The following CDH18 variants were observed in gnomAD, a reference collection of about 807,000 sequenced individuals.
CDH18 encodes cadherin-18.
A neutral mutation model predicts 67.9 loss-of-function variants in CDH18; 31 were observed. The ratio of observed to expected loss-of-function variants is 0.46; its 90% CI spans 0.34 to 0.62. The LOEUF (loss-of-function observed/expected upper bound fraction) is 0.62, where lower values mean the gene tolerates loss of function less well. CDH18 is among the 20% of genes least tolerant of loss of function. CDH18 has a pLI of 0.01. For missense variants in CDH18, 890 were observed against 975.5 expected (o/e 0.91, Z 1.17); for synonymous variants, 362 against 347.2 (o/e 1.04, Z -0.48).
chr5:19,633,576 C>T (rs1303932812), intron 5 of CDH18, among the ~76,000 whole-genome samples: 2 of 151,986 alleles, frequency 1.3e-5, no homozygotes, highest in Non-Finnish European at 2.9e-5. Flanking sequence ...AAGTGTCTCT[C>T]CTACTTCATG....
At chr5:19,484,565 G>A (rs994730591) in intron 11 of CDH18, among the ~76,000 whole-genome samples, 1 of 150,632 alleles carries the variant, frequency 6.6e-6, no homozygotes, top group African/African-American at 2.5e-5. Context: ...TGTTGCCGTA[G>A]CTATAGATTG....
chr5:20,099,848 G>A (rs1746305063), intron 2 of CDH18, among the ~76,000 whole-genome samples: 1 of 151,982 alleles, frequency 6.6e-6, no homozygotes, highest in Non-Finnish European at 1.5e-5. Flanking sequence ...CAGTGGCAGG[G>A]TCTTGGCTCA....
intron 3 of CDH18, among the ~76,000 whole-genome samples, chr5:19,752,197 T>C (rs1359985174): frequency 1.3e-5 from 2 of 152,058 alleles, no homozygotes; most frequent in Admixed American, 6.6e-5. Flanking sequence ...CAGGGGAGGA[T>C]GCAAATCCTG....
In CDH18 at chr5:19,875,966, T is replaced by C. The variant is rs760688721; in HGVS notation, c.-256-36724A>G. ...AAAATGAATCAAAGTTATTCCCTAA[T>C]ATAGAGGTTTTTTTATTTCCCAATA... On this transcript the variant is annotated intron_variant, in intron 2 of 12. Transcript: ENST00000382275. Among the ~76,000 whole-genome samples the C allele has an allele frequency of 3.9e-5, 6 of 152,082 alleles. 1 individual carries two copies. The South Asian group carries it at 1.2e-3, about 31-fold the overall frequency.
chr5:20,300,253 G>A (rs78404948), intron 1 of CDH18, among the ~76,000 whole-genome samples: 7,290 of 151,822 alleles, frequency 0.048, 428 homozygotes, highest in African/African-American at 0.14. Context: ...ACAGGACAAC[G>A]CAACAGGATC....
chr5:19,829,240 A>G (rs13189662), intron 3 of CDH18, among the ~76,000 whole-genome samples: 1 of 152,100 alleles, frequency 6.6e-6, no homozygotes, highest in Non-Finnish European at 1.5e-5. Context: ...AGAAATAAAA[A>G]CCATCCAAAT....
intron 5 of CDH18, among the ~76,000 whole-genome samples, chr5:19,667,753 T>C (rs1758169495): frequency 6.6e-6 from 1 of 151,832 alleles, no homozygotes. Flanking sequence ...CATATCTTCA[T>C]AATGATGAAA....
At chr5:20,177,713 G>T (rs2126672673) in intron 2 of CDH18, among the ~76,000 whole-genome samples, 1 of 152,130 alleles carries the variant, frequency 6.6e-6, no homozygotes, top group East Asian at 1.9e-4. Context: ...ATGTGTTGTT[G>T]GAGGGACCCA....
At chr5:20,073,162 T>A (rs1743632031) in intron 2 of CDH18, among the ~76,000 whole-genome samples, 1 of 152,026 alleles carries the variant, frequency 6.6e-6, no homozygotes, top group Non-Finnish European at 1.5e-5. Flanking sequence ...CATCTAAAAC[T>A]TGAGGAAACT....
chr5:19,741,227 G>A (rs928517312), intron 4 of CDH18, among the ~76,000 whole-genome samples: 18 of 63,642 alleles, frequency 2.8e-4, no homozygotes, highest in Non-Finnish European at 4.3e-4. Context: ...ATATATACAT[G>A]TATATATGTA....
chr5:19,565,779 T>C (rs1230716469), intron 8 of CDH18, among the ~76,000 whole-genome samples: 1 of 152,162 alleles, frequency 6.6e-6, no homozygotes, highest in Non-Finnish European at 1.5e-5. Context: ...AGAGAGTACG[T>C]TGGGAAAACT....
At chr5:20,487,791 T>C (rs1165718289) in intron 1 of CDH18, among the ~76,000 whole-genome samples, 1 of 151,892 alleles carries the variant, frequency 6.6e-6, no homozygotes, top group East Asian at 1.9e-4. Context: ...TACTATTTAA[T>C]AGTATTATTA....
chr5:19,763,113 G>A (rs193262732), intron 3 of CDH18, among the ~76,000 whole-genome samples: 1 of 152,238 alleles, frequency 6.6e-6, no homozygotes. Context: ...TCTGGGGATG[G>A]GGGAGGGATA....
chr5:19,609,713 G>T (rs1430822780), intron 6 of CDH18, among the ~76,000 whole-genome samples: 1 of 151,968 alleles, frequency 6.6e-6, no homozygotes, highest in Admixed American at 6.6e-5. Context: ...GTTTATTCAA[G>T]TGTCAATTGT....
At chr5:19,690,415 C>A (rs1372496301) in intron 5 of CDH18, among the ~76,000 whole-genome samples, 1 of 151,196 alleles carries the variant, frequency 6.6e-6, no homozygotes, top group African/African-American at 2.4e-5. Context: ...ACTAAAAACA[C>A]CCCAAACTTA....
chr5:20,388,343 G>A (rs1404052178), intron 1 of CDH18, among the ~76,000 whole-genome samples: 1 of 152,154 alleles, frequency 6.6e-6, no homozygotes, highest in Non-Finnish European at 1.5e-5. Context: ...AGATTTTCTA[G>A]TTTATTTGCA....
chr5:19,968,123 C>A (rs1386786251), intron 2 of CDH18, among the ~76,000 whole-genome samples: 2 of 151,824 alleles, frequency 1.3e-5, no homozygotes, highest in Non-Finnish European at 2.9e-5. Flanking sequence ...ACCTAGGAAT[C>A]CAACTTACAA....
intron 11 of CDH18, among the ~76,000 whole-genome samples, chr5:19,488,108 A>G (rs1481939612): frequency 6.6e-6 from 1 of 152,158 alleles, no homozygotes; most frequent in Non-Finnish European, 1.5e-5. Context: ...TTTGTTCAAT[A>G]GTTTGAAAGA....
chr5:20,013,968 A>AATAG (rs1401563699), intron 2 of CDH18, among the ~76,000 whole-genome samples: 25 of 152,278 alleles, frequency 1.6e-4, no homozygotes, highest in South Asian at 1.2e-3. Context: ...TATTAAAGTC[A>AATAG]ATAGATACCC....
Sources: gnomAD v4.1 joint callset for allele counts (sites outside exome capture counted in the v4.1 genomes callset) on GRCh38, gnomAD v4.1.1 for gene constraint, MANE v1.5 for transcripts, NCBI Gene and HGNC (gene_info 2026-07-23, HGNC 2026-07-21) for gene names.